Variants in POC1B observed in about 807,000 individuals in gnomAD.
POC1B encodes POC1 centriolar protein homolog B.
Under a neutral mutation model 60.6 loss-of-function variants are expected in POC1B, and 44 were observed. The ratio of observed to expected loss-of-function variants is 0.73; its 90% confidence interval spans 0.57 to 0.93. POC1B has a LOEUF of 0.93. Ranked by LOEUF, POC1B falls within the 40% of genes least tolerant of loss-of-function variation. The pLI is 0.00. For missense variants in POC1B, 555 were observed against 572.3 expected (o/e 0.97, Z 0.31); for synonymous variants, 180 against 198.9 (o/e 0.90, Z 0.80).
intron 2 of POC1B, chr12:89,519,621 A>C (rs1017876475): frequency 1.4e-4 from 21 of 152,656 alleles, no homozygotes; most frequent in African/African-American, 4.6e-4. Context: ...GTATTTTATT[A>C]ATTAAAATTG....
Position 89,525,923 on chromosome 12 carries a change from G to A in POC1B, c.-28C>T, listed in dbSNP as rs1389016100. The stretch of plus-strand genomic sequence containing the variant: ...GGGGAGTGGTCGGCCCAAGGCTCCT[G>A]TGGGTGGGGGAACCCGGAGAGGGGA... On this transcript the variant is annotated 5_prime_UTR_variant, in exon 1 of 12. Coordinates refer to ENST00000313546, the MANE Select transcript of POC1B (RefSeq NM_172240.3). 6.6e-7 allele frequency: 1 copy of A among 1,525,348 alleles called. No homozygotes were observed. Among genetic ancestry groups the A allele is most frequent in the South Asian group, 1.2e-5 (1 of 80,550 alleles). The allele number at this position is 1,525,348 out of a possible 1,614,324, so 94.5% of individuals were successfully genotyped here.
intron 6 of POC1B, 140 bp downstream of exon 6, chr12:89,471,474 G>A: frequency 1.7e-6 from 1 of 583,764 alleles, no homozygotes; most frequent in South Asian, 2.3e-5. Context: ...GTTGATGGGA[G>A]CTAATTATAC....
At chr12:89,523,516 A>G in intron 2 of POC1B, 2 of 1,608,196 alleles carry the variant, frequency 1.2e-6, no homozygotes, top group Non-Finnish European at 1.7e-6. Context: ...ACACTGCCAC[A>G]CCCTAAAAGA....
intron 8 of POC1B, 75 bp downstream of exon 8, chr12:89,467,542 T>A: frequency 1.6e-6 from 2 of 1,228,826 alleles, no homozygotes; most frequent in Non-Finnish European, 2.3e-6. Context: ...AACTAGCTGG[T>A]TGTAAAACTC....
chr12:89,470,295 A>T, intron 7 of POC1B, 66 bp downstream of exon 7: 2 of 933,830 alleles, frequency 2.1e-6, no homozygotes. Flanking sequence ...AAAATGGATC[A>T]GAAATTTAAA....
intron 5 of POC1B, 30 bp downstream of exon 5, chr12:89,472,138 C>T (rs1450532557): frequency 7.3e-7 from 1 of 1,361,114 alleles, no homozygotes; most frequent in Non-Finnish European, 1.0e-6. Flanking sequence ...AAAACTAACC[C>T]ACATAAATGC....
intron 9 of POC1B, among the ~76,000 whole-genome samples, chr12:89,464,156 CA>C (rs1882585469): frequency 6.6e-6 from 1 of 151,936 alleles, no homozygotes; most frequent in African/African-American, 2.4e-5. Flanking sequence ...ATACTGACCT[CA>C]AAAAAAGATT....
chr12:89,410,614 A>G, the POC1B span, among the ~76,000 whole-genome samples: 1 of 150,890 alleles, frequency 6.6e-6, no homozygotes, highest in Non-Finnish European at 1.5e-5. Context: ...TGAGAGGCGG[A>G]GCTTGCAGTG....
intron 10 of POC1B, among the ~76,000 whole-genome samples, chr12:89,453,780 A>C (rs1168718140): frequency 2.6e-5 from 4 of 152,164 alleles, no homozygotes; most frequent in African/African-American, 9.7e-5. Flanking sequence ...CTAGTTACTC[A>C]ATGTTGTCTA....
At chr12:89,436,758 A>G (rs992771963) in intron 10 of POC1B, among the ~76,000 whole-genome samples, 2 of 152,090 alleles carry the variant, frequency 1.3e-5, no homozygotes, top group Non-Finnish European at 2.9e-5. Flanking sequence ...AAAAAAAACA[A>G]GCATTCTTTT....
intron 2 of POC1B, chr12:89,523,667 C>G: frequency 6.5e-7 from 1 of 1,538,306 alleles, no homozygotes; most frequent in Non-Finnish European, 8.7e-7. Context: ...ATCCGCCTGT[C>G]CCTTTCCTGT....
At chr12:89,481,126 G>A (rs1321866019) in intron 4 of POC1B, among the ~76,000 whole-genome samples, 3 of 150,374 alleles carry the variant, frequency 2.0e-5, no homozygotes, top group Non-Finnish European at 3.0e-5. Flanking sequence ...CACCCGCCTC[G>A]GCCTCCCAAA....
In POC1B at chr12:89,469,116, A is replaced by G. The variant is rs1479283659; in HGVS notation, c.810+1245T>C. Among the ~76,000 whole-genome samples, 5 of 152,072 alleles carry G rather than the reference A, an allele frequency of 3.3e-5. No homozygotes were observed. In the East Asian group the frequency reaches 9.7e-4, roughly 29 times the overall value. ...CTTGTCTCTTCTAAACAAACAAACA[A>G]ACAAAAAATTAGCTGGGCGTGGTGG... is the stretch of plus-strand genomic sequence containing the variant. On this transcript the variant is annotated intron_variant, in intron 7 of 11. Transcript: ENST00000313546.
intron 3 of POC1B, among the ~76,000 whole-genome samples, chr12:89,495,709 T>C (rs1030667276): frequency 1.3e-5 from 2 of 152,124 alleles, no homozygotes; most frequent in African/African-American, 4.8e-5. Context: ...ATGGATGATT[T>C]TGGGATGATT....
chr12:89,446,112 T>TGGAGAGGATGTGGAG lies in POC1B; in HGVS notation c.1113+13511_1113+13525dup, dbSNP rs1169964143. On this transcript the variant is annotated intron_variant, in intron 10 of 11. Coordinates refer to ENST00000313546, the MANE Select transcript of POC1B (RefSeq NM_172240.3). ...TAAAAAGTCAGGAAACAACAGGTGC[T>TGGAGAGGATGTGGAG]GGAGAGGATGTGGAGAAATAGGAAC... is the stretch of plus-strand genomic sequence containing the variant. 2.9e-3 allele frequency among the ~76,000 whole-genome samples: 441 copies of TGGAGAGGATGTGGAG among 152,276 alleles called. 3 individuals carry two copies. The highest frequency in any genetic ancestry group is 0.01 in the African/African-American group (433 of 41,552).
intron 10 of POC1B, among the ~76,000 whole-genome samples, chr12:89,436,747 C>CA (rs1425218176): frequency 1.4e-4 from 21 of 151,060 alleles, no homozygotes; most frequent in Admixed American, 7.3e-4. Flanking sequence ...ACCCAAAAAA[C>CA]AAAAAAAACA....
At chr12:89,473,753 G>C (rs1313458478) in intron 4 of POC1B, among the ~76,000 whole-genome samples, 8 of 149,638 alleles carry the variant, frequency 5.3e-5, no homozygotes, top group Non-Finnish European at 1.2e-4. Flanking sequence ...TTTACAGTAA[G>C]TAAAAATTTA....
chr12:89,422,421 G>T (rs924685035), intron 11 of POC1B, among the ~76,000 whole-genome samples: 1 of 152,036 alleles, frequency 6.6e-6, no homozygotes, highest in Non-Finnish European at 1.5e-5. Flanking sequence ...CAATTTCTCT[G>T]TTGATAAGCT....
At chr12:89,499,280 T>C (rs534835751) in intron 2 of POC1B, among the ~76,000 whole-genome samples, 2 of 152,316 alleles carry the variant, frequency 1.3e-5, no homozygotes, top group South Asian at 4.1e-4. Context: ...TGTTCTCATT[T>C]ACAAGTGAGA....
Sources: allele counts gnomAD v4.1 joint callset (sites outside exome capture counted in the v4.1 genomes callset), GRCh38; gene constraint gnomAD v4.1.1; transcripts MANE v1.5; gene names NCBI Gene and HGNC (gene_info 2026-07-23, HGNC 2026-07-21).